Variants in SLC15A1 observed in about 807,000 individuals in gnomAD.
SLC15A1 encodes the protein Caco-2 oligopeptide transporter.
Under a neutral mutation model 92.9 loss-of-function variants are expected in SLC15A1, and 83 were observed. The ratio of observed to expected loss-of-function variants is 0.89; its 90% CI spans 0.75 to 1.07. The LOEUF (loss-of-function observed/expected upper bound fraction) is 1.07, where lower values mean the gene tolerates loss of function less well. Among genes scored for constraint, SLC15A1 ranks in the 50% least tolerant of loss-of-function variants. The pLI, the probability that SLC15A1 is intolerant of heterozygous loss-of-function variation, is 0.00. For missense variants in SLC15A1, 857 were observed against 880.1 expected (o/e 0.97, Z 0.33); for synonymous variants, 322 against 318.2 (o/e 1.01, Z -0.13).
intron 18 of SLC15A1, among the ~76,000 whole-genome samples, chr13:98,690,459 A>G (rs1489047028): frequency 6.6e-6 from 1 of 152,212 alleles, no homozygotes. Context: ...AAAAGAGAGC[A>G]TGTGGGCAGA....
chr13:98,724,008 A>T lies in SLC15A1; in HGVS notation c.269T>A (p.Val90Asp). 1 of 1,614,144 alleles carries T rather than the reference A, an allele frequency of 6.2e-7. No homozygotes were observed. The highest frequency in any genetic ancestry group is 1.1e-5 in the South Asian group (1 of 91,072). Residue 90 changes from valine (V) to aspartate (D), a missense_variant, in exon 5 of 23, where the codon GTC (valine) becomes GAC (aspartate). Physicochemically the swap from Val to Asp is radical, Grantham distance 152. Coordinates refer to ENST00000376503, the MANE Select transcript of SLC15A1 (RefSeq NM_005073.4). Reference sequence around the variant, plus strand: ...GGTGACTGCTTGTCCAATTGTGTAGACAATGGAGAGCGACACAATGGTCCT... The same window carrying T: ...GGTGACTGCTTGTCCAATTGTGTAGTCAATGGAGAGCGACACAATGGTCCT... ...KFKTIVSLSI[V>D]YTIGQAVTSV...
intron 7 of SLC15A1, among the ~76,000 whole-genome samples, chr13:98,719,549 C>T (rs2088237745): frequency 6.6e-6 from 1 of 152,154 alleles, no homozygotes; most frequent in Non-Finnish European, 1.5e-5. Context: ...TGGGTGTTCC[C>T]AGCTTGGCCA....
At chr13:98,684,971 C>A in intron 22 of SLC15A1, 56 bp from the exon 23 acceptor site, 3 of 1,443,010 alleles carry the variant, frequency 2.1e-6, no homozygotes, top group Non-Finnish European at 2.9e-6. Flanking sequence ...ACAGGTCATA[C>A]TGATGAATAT....
At chr13:98,702,678 G>A (rs2088077698) in intron 17 of SLC15A1, 149 bp from the exon 18 acceptor site, 1 of 636,792 alleles carries the variant, frequency 1.6e-6, no homozygotes, top group East Asian at 2.8e-5. Flanking sequence ...TCTGGAGGCC[G>A]GGCACAGTAG....
intron 1 of SLC15A1, among the ~76,000 whole-genome samples, chr13:98,752,184 C>T (rs1395977340): frequency 6.6e-6 from 1 of 152,240 alleles, no homozygotes; most frequent in Non-Finnish European, 1.5e-5. Flanking sequence ...AGGGTCACCT[C>T]GCCAGCCAGA....
At chr13:98,743,533 C>T (rs2088466053) in intron 1 of SLC15A1, among the ~76,000 whole-genome samples, 6 of 152,184 alleles carry the variant, frequency 3.9e-5, no homozygotes, top group Admixed American at 3.9e-4. Context: ...CCAACCTGCT[C>T]TCAGCTTCAG....
At chr13:98,742,687 A>G (rs531417195) in intron 1 of SLC15A1, among the ~76,000 whole-genome samples, 6 of 152,234 alleles carry the variant, frequency 3.9e-5, no homozygotes, top group Admixed American at 3.9e-4. Flanking sequence ...GTCTTGTAAG[A>G]ACATCACCTC....
intron 1 of SLC15A1, among the ~76,000 whole-genome samples, chr13:98,728,921 C>T (rs953398581): frequency 2.5e-5 from 3 of 121,512 alleles, no homozygotes; most frequent in African/African-American, 9.4e-5. Flanking sequence ...GTGGAGGTTG[C>T]AATGAGTCAA....
In SLC15A1 at chr13:98,688,215, A is replaced by C. The variant is rs201215009; in HGVS notation, c.1683+33T>G. 85 of 1,386,482 alleles carry C rather than the reference A, an allele frequency of 6.1e-5. No homozygotes were observed. In the Admixed American group the frequency reaches 6.4e-4, roughly 10 times the overall value. The allele number at this position is 1,386,482 out of a possible 1,614,324, so 85.9% of individuals were successfully genotyped here. On this transcript the variant is annotated intron_variant, in intron 20 of 22. Transcript: ENST00000376503. ...GTCTTCATATCAATCGAGTATGAGCAGATCTTCTGATACAATGAAACGAGT... is the reference window on the plus strand; with the variant it reads ...GTCTTCATATCAATCGAGTATGAGCCGATCTTCTGATACAATGAAACGAGT...
Position 98,706,126 on chromosome 13 carries a change from CTACT to C in SLC15A1, c.1269+4_1269+7del. 2 of 1,602,050 alleles carry C rather than the reference CTACT, an allele frequency of 1.2e-6. No individual in the cohort carries two copies. Among genetic ancestry groups the C allele is most frequent in the Non-Finnish European group, 1.7e-6 (2 of 1,177,380 alleles). ...TGAAAAAGAAGGCAGCAATTTCCTT[CTACT>C]TACTTGAGACATTGGGCCAAGTGTC... On this transcript the variant is annotated splice_donor_5th_base_variant and intron_variant, in intron 16 of 22. Transcript: ENST00000376503.
At chr13:98,749,792 A>G (rs1186072064) in intron 1 of SLC15A1, among the ~76,000 whole-genome samples, 1 of 152,216 alleles carries the variant, frequency 6.6e-6, no homozygotes, top group African/African-American at 2.4e-5. Context: ...AGAAGAATGT[A>G]AGCTTACATT....
At chr13:98,707,663 C>A (rs1407425233) in intron 15 of SLC15A1, among the ~76,000 whole-genome samples, 9 of 152,082 alleles carry the variant, frequency 5.9e-5, no homozygotes, top group Non-Finnish European at 2.9e-5. Context: ...AATGCCAGGA[C>A]TTTGGGAGGC....
intron 22 of SLC15A1, among the ~76,000 whole-genome samples, chr13:98,685,899 T>C (rs1289987887): frequency 6.7e-6 from 1 of 150,168 alleles, no homozygotes; most frequent in African/African-American, 2.5e-5. Context: ...GGCAGAAGAA[T>C]CACTTGAACC....
At position 98,743,050 on chromosome 13, in the gene SLC15A1, G is replaced by C. The variant is rs541076922; in HGVS notation, c.4+9545C>G. Among the ~76,000 whole-genome samples, 5 of 152,238 alleles carry C rather than the reference G, an allele frequency of 3.3e-5. No individual in the cohort carries two copies. The East Asian group carries it at 9.7e-4, about 29-fold the overall frequency. On this transcript the variant is annotated intron_variant, in intron 1 of 22. Coordinates refer to ENST00000376503, the MANE Select transcript of SLC15A1 (RefSeq NM_005073.4). ...GGGCCTCCCAAAGTGCTGAGATTAC[G>C]GGCACGAGCCACCATGTCCAGTCCA...
chr13:98,686,356 A>G (rs2087929518), intron 21 of SLC15A1, 59 bp from the exon 22 acceptor site: 2 of 1,192,770 alleles, frequency 1.7e-6, no homozygotes, highest in Non-Finnish European at 2.5e-6. Context: ...GCAGGAGAAC[A>G]CAGCTCACCG....
intron 18 of SLC15A1, among the ~76,000 whole-genome samples, chr13:98,695,291 T>C (rs1320428663): frequency 2.6e-5 from 4 of 152,198 alleles, no homozygotes; most frequent in Non-Finnish European, 5.9e-5. Context: ...CTCACTATTT[T>C]GTCCAGGCTG....
At chr13:98,721,629 C>A (rs2139592106) in intron 6 of SLC15A1, 44 bp from the exon 7 acceptor site, 1 of 1,408,136 alleles carries the variant, frequency 7.1e-7, no homozygotes. Context: ...GCTATCAATC[C>A]ACTGAGCACA....
chr13:98,684,142 T>C lies in SLC15A1; in HGVS notation c.*582A>G, dbSNP rs1000476521. 2.0e-5 allele frequency: 3 copies of C among 152,212 alleles called. No individual in the cohort carries two copies. Among genetic ancestry groups the C allele is most frequent in the Admixed American group, 2.0e-4 (3 of 15,264 alleles). 9.4% of individuals were successfully genotyped at this position (152,212 alleles called of 1,614,324 possible). A position where few individuals can be genotyped will look rare whatever the true frequency, so the allele number is the denominator to read the frequency against. ...TTTGTGTGATAGGGAAGATGACCAA[T>C]GTGGGGTGGGCTCACAGTACTCTAA... On this transcript the variant is annotated 3_prime_UTR_variant, in exon 23 of 23. Coordinates refer to ENST00000376503, the MANE Select transcript of SLC15A1 (RefSeq NM_005073.4).
intron 18 of SLC15A1, among the ~76,000 whole-genome samples, chr13:98,695,844 C>G: frequency 6.6e-6 from 1 of 152,132 alleles, no homozygotes; most frequent in Non-Finnish European, 1.5e-5. Context: ...TCACATATTG[C>G]TCAGAAGTCT....
Sources: allele counts gnomAD v4.1 joint callset (sites outside exome capture counted in the v4.1 genomes callset), GRCh38; gene constraint gnomAD v4.1.1; transcripts MANE v1.5; gene names NCBI Gene and HGNC (gene_info 2026-07-23, HGNC 2026-07-21).